CEP170B: variants seen among roughly 807,000 people sequenced by gnomAD.
CEP170B encodes the protein centrosomal protein of 170 kDa protein B.
CEP170B carries 55 observed loss-of-function variants against 120.6 expected under a neutral mutation model. The observed-to-expected ratio is 0.46, with a 90% confidence interval of 0.37 to 0.57. The LOEUF is 0.57. Ranked by LOEUF, CEP170B falls within the 20% of genes least tolerant of loss-of-function variation. The pLI is 0.00. For missense variants in CEP170B, 2,212 were observed against 2,253.3 expected (o/e 0.98, Z 0.37); for synonymous variants, 1,033 against 954.5 (o/e 1.08, Z -1.52).
Position 104,865,970 on chromosome 14 carries a change from T to G in CEP170B, c.-28+457T>G, listed in dbSNP as rs992887646. 2.6e-5 allele frequency among the ~76,000 whole-genome samples: 4 copies of G among 152,198 alleles called. No homozygotes were observed. The highest frequency in any genetic ancestry group is 2.0e-4 in the Admixed American group (3 of 15,298). ...CCCGCTGTCCCTGCCTCTCCCGGCC[T>G]GTGCGCTCCTTCCACCGCCGGCCTG... is the stretch of plus-strand genomic sequence containing the variant. On this transcript the variant is annotated intron_variant, in intron 1 of 18. Transcript: ENST00000414716. The surrounding 1 kb of genome is among the most constrained non-coding windows in gnomAD (Gnocchi z 6.7).
intron 12 of CEP170B, among the ~76,000 whole-genome samples, chr14:104,889,164 C>T (rs1012652270): frequency 1.3e-5 from 2 of 152,176 alleles, no homozygotes; most frequent in African/African-American, 4.8e-5. Context: ...CGCAGCAGGT[C>T]CTGGTGGGGA....
chr14:104,883,808 G>GT, intron 8 of CEP170B, 23 bp from the exon 9 acceptor site: 1 of 1,513,042 alleles, frequency 6.6e-7, no homozygotes, highest in Non-Finnish European at 8.9e-7. Flanking sequence ...GCCTGACAAG[G>GT]TGGGGTCCCC....
At position 104,889,664 on chromosome 14, in the gene CEP170B, C is replaced by T. The variant is rs267603894; in HGVS notation, c.3784C>T (p.Arg1262Trp). 27 of 1,611,978 alleles carry T rather than the reference C, an allele frequency of 1.7e-5. No homozygotes were observed. In the East Asian group the frequency reaches 2.2e-4, roughly 13 times the overall value. ...TGGCAGCTCCAGCCGGGCTCGTTCC[C>T]GGGCCCCCGGCCCCCGGGACACGGA... ...RAGSSSRARS[R>W]APGPRDTDDD... Residue 1262 changes from arginine to tryptophan, a missense_variant, in exon 13 of 19, where the codon CGG (arginine) becomes TGG (tryptophan). Around this residue, in one of 2 missense-constraint regions of CEP170B, gnomAD observed 2,166 missense variants for 2,166.7 expected, o/e 1.00. Coordinates refer to ENST00000414716, the MANE Select transcript of CEP170B (RefSeq NM_001112726.3).
intron 5 of CEP170B, among the ~76,000 whole-genome samples, chr14:104,879,265 G>A (rs956077168): frequency 2.6e-5 from 4 of 152,132 alleles, no homozygotes; most frequent in Admixed American, 6.5e-5. Flanking sequence ...GAGGATCTAC[G>A]TGTTAGAGGA....
intron 5 of CEP170B, among the ~76,000 whole-genome samples, chr14:104,879,514 C>T (rs368633689): frequency 1.3e-5 from 2 of 152,136 alleles, no homozygotes; most frequent in Non-Finnish European, 2.9e-5. Flanking sequence ...TTACGCTGCA[C>T]GACCAAGGCC....
chr14:104,887,480 A>C lies in CEP170B; in HGVS notation c.3241A>C (p.Lys1081Gln), dbSNP rs1595350934. 1.2e-6 allele frequency: 2 copies of C among 1,611,902 alleles called. No individual in the cohort carries two copies. The highest frequency in any genetic ancestry group is 1.7e-6 in the Non-Finnish European group (2 of 1,179,612). ...TGAGRLGSRR[K>Q]PAAPPPSPAA... ...GGCAGGACGGCTAGGTTCTCGCCGG[A>C]AACCAGCGGCCCCACCGCCATCCCC... is the stretch of plus-strand genomic sequence containing the variant. Residue 1081 changes from lysine to glutamine, a missense_variant, in exon 12 of 19, where the codon AAA (lysine) becomes CAA (glutamine). By Grantham distance (53) the Lys-to-Gln change is moderately conservative. Transcript: ENST00000414716.
intron 2 of CEP170B, among the ~76,000 whole-genome samples, chr14:104,871,981 G>A (rs1288788850): frequency 1.3e-5 from 2 of 152,238 alleles, no homozygotes; most frequent in African/African-American, 4.8e-5. Flanking sequence ...GTGTCCTTGT[G>A]CCCAGTGCAA....
In CEP170B at chr14:104,885,441, G is replaced by A. The variant is rs1456818244; in HGVS notation, c.1843G>A (p.Asp615Asn). 2 of 1,564,520 alleles carry A rather than the reference G, an allele frequency of 1.3e-6. No homozygotes were observed. Among genetic ancestry groups the A allele is most frequent in the Non-Finnish European group, 1.7e-6 (2 of 1,155,276 alleles). ...SATFRPVIRGDRDESDDGGVA... is the reference protein window; with the variant it reads ...SATFRPVIRGNRDESDDGGVA... Reference sequence around the variant, plus strand: ...CACCTTTCGCCCAGTCATCAGAGGGGACAGAGATGAGTCTGATGACGGGGG... The same window carrying A: ...CACCTTTCGCCCAGTCATCAGAGGGAACAGAGATGAGTCTGATGACGGGGG... The change falls in exon 10 of 19, where the codon GAC (aspartate) becomes AAC (asparagine). Residue 615 changes from aspartate to asparagine, a missense_variant. Around this residue, in one of 2 missense-constraint regions of CEP170B, gnomAD observed 2,166 missense variants for 2,166.7 expected, o/e 1.00. Transcript: ENST00000414716.
chr14:104,893,752 C>T lies in CEP170B; in HGVS notation c.4183-9C>T, dbSNP rs1236154747. ...AGGGCGGGGCCATGCTGAGGCCGGG[C>T]TCTTGCAGGTGATCTTCGATAACCT... On this transcript the variant is annotated splice_polypyrimidine_tract_variant and intron_variant, in intron 15 of 18. Coordinates refer to ENST00000414716, the MANE Select transcript of CEP170B (RefSeq NM_001112726.3). The T allele has an allele frequency of 3.7e-6, 6 of 1,604,256 alleles. No individual in the cohort carries two copies. Among genetic ancestry groups the T allele is most frequent in the South Asian group, 1.1e-5 (1 of 89,396 alleles).
At position 104,867,355 on chromosome 14, in the gene CEP170B, C is replaced by T. The variant is rs959120727; in HGVS notation, c.-27-1069C>T. ...CTGCCTCCCAGTGAGCCCCCATCCC[C>T]GCCCTGCCTCTGTGTTCCCTGTATC... On this transcript the variant is annotated intron_variant, in intron 1 of 18. Transcript: ENST00000414716. This position sits in a 1 kb window ranked among gnomAD's most constrained non-coding sequence, Gnocchi z 5.4. Among the ~76,000 whole-genome samples the T allele has an allele frequency of 6.6e-6, 1 of 152,222 alleles. No homozygotes were observed. Among genetic ancestry groups the T allele is most frequent in the Non-Finnish European group, 1.5e-5 (1 of 68,038 alleles).
rs1469039478 is a variant in CEP170B, at chr14:104,885,466, G to A, written c.1868G>A (p.Gly623Asp). 1 of 1,561,954 alleles carries A rather than the reference G, an allele frequency of 6.4e-7. No homozygotes were observed. Among genetic ancestry groups the A allele is most frequent in the Non-Finnish European group, 8.7e-7 (1 of 1,154,572 alleles). The change falls in exon 10 of 19, where the codon GGC (glycine) becomes GAC (aspartate). Residue 623 changes from glycine (G) to aspartate (D), a missense_variant. Around this residue, in one of 2 missense-constraint regions of CEP170B, gnomAD observed 2,166 missense variants for 2,166.7 expected, o/e 1.00. Coordinates refer to ENST00000414716, the MANE Select transcript of CEP170B (RefSeq NM_001112726.3). ...RGDRDESDDG[G>D]VAQRMALLQE... ...GACAGAGATGAGTCTGATGACGGGG[G>A]CGTGGCCCAGCGGATGGCGCTACTG...
At chr14:104,883,573 C>T (rs1896280791) in intron 8 of CEP170B, 65 bp downstream of exon 8, 1 of 1,446,386 alleles carries the variant, frequency 6.9e-7, no homozygotes, top group Non-Finnish European at 9.2e-7. Flanking sequence ...TTGGCTGGGT[C>T]TGCACTGTTG....
Position 104,885,435 on chromosome 14 carries a change from A to G in CEP170B, c.1837A>G (p.Arg613Gly). Residue 613 changes from arginine to glycine, a missense_variant, in exon 10 of 19, where the codon AGA (arginine) becomes GGA (glycine). Arg to Gly is a moderately radical substitution (Grantham distance 125). This residue lies in a region of CEP170B where 2,166 missense variants were observed against 2,166.7 expected (regional missense o/e 1.00). Transcript: ENST00000414716. ...ASSATFRPVIRGDRDESDDGG... is the reference protein window; with the variant it reads ...ASSATFRPVIGGDRDESDDGG... ...TTCGGCCACCTTTCGCCCAGTCATC[A>G]GAGGGGACAGAGATGAGTCTGATGA... 6.4e-7 allele frequency: 1 copy of G among 1,564,248 alleles called. No individual in the cohort carries two copies. Among genetic ancestry groups the G allele is most frequent in the East Asian group, 2.4e-5 (1 of 42,174 alleles).
In CEP170B at chr14:104,876,359, G is replaced by T. The variant is rs1427197351; in HGVS notation, c.195+14G>T. On this transcript the variant is annotated intron_variant, in intron 3 of 18. Coordinates refer to ENST00000414716, the MANE Select transcript of CEP170B (RefSeq NM_001112726.3). The stretch of plus-strand genomic sequence containing the variant: ...AGCCTCAATGGGGTAAGTGTGAGAG[G>T]CCCTGGCCTGGCCTTTTAACAGCTC... 8 of 1,550,318 alleles carry T rather than the reference G, an allele frequency of 5.2e-6. No homozygotes were observed. Among genetic ancestry groups the T allele is most frequent in the Non-Finnish European group, 7.0e-6 (8 of 1,146,472 alleles).
In CEP170B at chr14:104,868,045, C is replaced by T. The variant is rs1895281914; in HGVS notation, c.-27-379C>T. 6.6e-6 allele frequency among the ~76,000 whole-genome samples: 1 copy of T among 152,142 alleles called. No homozygotes were observed. Among genetic ancestry groups the T allele is most frequent in the Non-Finnish European group, 1.5e-5 (1 of 68,024 alleles). Reference sequence around the variant, plus strand: ...CTGATGGGCTATGCTGGGTCCTACCCATGAGCTGCTCCTGATGGGTCACGT... The same window carrying T: ...CTGATGGGCTATGCTGGGTCCTACCTATGAGCTGCTCCTGATGGGTCACGT... On this transcript the variant is annotated intron_variant, in intron 1 of 18. Coordinates refer to ENST00000414716, the MANE Select transcript of CEP170B (RefSeq NM_001112726.3). The surrounding 1 kb of genome is among the most constrained non-coding windows in gnomAD (Gnocchi z 5.9).
chr14:104,881,626 C>T (rs568310464), intron 6 of CEP170B, among the ~76,000 whole-genome samples: 6 of 152,296 alleles, frequency 3.9e-5, no homozygotes, highest in African/African-American at 9.6e-5. Context: ...GGGGCTGTCC[C>T]GGAGGTCATG....
chr14:104,869,280 C>T (rs897455195), intron 2 of CEP170B, among the ~76,000 whole-genome samples: 2 of 152,228 alleles, frequency 1.3e-5, no homozygotes, highest in Non-Finnish European at 2.9e-5. Context: ...TGGCTCATCC[C>T]CCAGCGTGGC....
chr14:104,873,506 G>A (rs556626534), intron 2 of CEP170B, among the ~76,000 whole-genome samples: 27 of 152,120 alleles, frequency 1.8e-4, no homozygotes, highest in African/African-American at 6.0e-4. Flanking sequence ...GAGGGCTGCC[G>A]AGAGGAAGAC....
At chr14:104,889,800 G>C (rs2919629) in intron 13 of CEP170B, 42 bp downstream of exon 13, 1,159,592 of 1,566,348 alleles carry the variant, frequency 0.74, 440,062 homozygotes, top group Middle Eastern at 0.82. Context: ...GTGCCAGTGC[G>C]TTTTCTTGAG....
Sources: gnomAD v4.1 joint callset for allele counts (sites outside exome capture counted in the v4.1 genomes callset) on GRCh38, gnomAD v4.1.1 for gene constraint, gnomAD v4.1.1 regional missense constraint, Gnocchi (gnomAD v3.1) non-coding constraint, MANE v1.5 for transcripts, NCBI Gene and HGNC (gene_info 2026-07-23, HGNC 2026-07-21) for gene names.